CUL5: variants seen among roughly 807,000 people sequenced by gnomAD.
CUL5 encodes the protein cullin-5.
A neutral mutation model predicts 108.8 loss-of-function variants in CUL5; 26 were observed. The observed-to-expected ratio is 0.24, with a 90% CI of 0.18 to 0.33. The LOEUF (loss-of-function observed/expected upper bound fraction) is 0.33. Ranked by LOEUF, CUL5 falls within the 10% of genes least tolerant of loss-of-function variation. CUL5 has a pLI of 1.00. For synonymous variants in CUL5, 334 were observed against 298.0 expected (o/e 1.12, Z -1.25); for missense variants, 524 against 909.2 (o/e 0.58, Z 5.45).
chr11:108,097,001 C>G (rs1333003988), intron 16 of CUL5, among the ~76,000 whole-genome samples: 1 of 152,084 alleles, frequency 6.6e-6, no homozygotes, highest in African/African-American at 2.4e-5. Context: ...TATTACTACT[C>G]CATAGACCTC....
At chr11:108,097,478 C>A (rs1864530640) in intron 16 of CUL5, among the ~76,000 whole-genome samples, 158 bp from the exon 17 acceptor site, 1 of 152,154 alleles carries the variant, frequency 6.6e-6, no homozygotes. Context: ...TCTTCTCTTT[C>A]CTCATTATGC....
chr11:108,064,755 T>C (rs1458835502), intron 7 of CUL5, among the ~76,000 whole-genome samples: 1 of 152,090 alleles, frequency 6.6e-6, no homozygotes, highest in African/African-American at 2.4e-5. Flanking sequence ...TGCTAGTATT[T>C]TGTTGAGGAT....
Position 108,105,319 on chromosome 11 carries a change from G to A in CUL5, c.*935G>A, listed in dbSNP as rs542645494. The A allele has an allele frequency of 2.0e-5, 3 of 152,196 alleles. No homozygotes were observed. The highest frequency in any genetic ancestry group is 4.4e-5 in the Non-Finnish European group (3 of 67,948). 9.4% of individuals were successfully genotyped at this position (152,196 alleles called of 1,614,324 possible). A position where few individuals can be genotyped will look rare whatever the true frequency, so the allele number is the denominator to read the frequency against. On this transcript the variant is annotated 3_prime_UTR_variant, in exon 19 of 19. Coordinates refer to ENST00000393094, the MANE Select transcript of CUL5 (RefSeq NM_003478.6). ...ATTAAAAACAACACAGAAATCTCCTGCTCTGATATAGTTATGTAACTGATC... is the reference window on the plus strand; with the variant it reads ...ATTAAAAACAACACAGAAATCTCCTACTCTGATATAGTTATGTAACTGATC...
intron 1 of CUL5, among the ~76,000 whole-genome samples, chr11:108,031,738 T>C (rs191478969): frequency 1.6e-4 from 25 of 152,336 alleles, no homozygotes; most frequent in African/African-American, 5.5e-4. Flanking sequence ...ATCACAGCAC[T>C]GTTCACTCTA....
chr11:108,085,650 A>C (rs759026347), intron 11 of CUL5, among the ~76,000 whole-genome samples: 13 of 152,202 alleles, frequency 8.5e-5, no homozygotes, highest in Non-Finnish European at 1.3e-4. Context: ...TGACACATGG[A>C]TGAATCTTGA....
intron 1 of CUL5, among the ~76,000 whole-genome samples, chr11:108,012,755 C>T (rs1026352985): frequency 6.6e-6 from 1 of 152,006 alleles, no homozygotes; most frequent in Non-Finnish European, 1.5e-5. Context: ...CGCCACCACA[C>T]CCAGCTTATT....
At position 108,098,622 on chromosome 11, in the gene CUL5, C is replaced by T. The variant is rs1034479315; in HGVS notation, c.2148+93C>T. 2.9e-5 allele frequency: 31 copies of T among 1,075,092 alleles called. No individual in the cohort carries two copies. In the Admixed American group the frequency reaches 1.1e-3, roughly 37 times the overall value. 66.6% of individuals were successfully genotyped at this position (1,075,092 alleles called of 1,614,324 possible). A position where few individuals can be genotyped will look rare whatever the true frequency, so the allele number is the denominator to read the frequency against. The stretch of plus-strand genomic sequence containing the variant: ...TTGAAATCTTTTTTGAATTTAAAAG[C>T]ATGTAGGGGCTAAGTGCAGTGGCCC... On this transcript the variant is annotated intron_variant, in intron 18 of 18. Coordinates refer to ENST00000393094, the MANE Select transcript of CUL5 (RefSeq NM_003478.6).
At chr11:108,032,353 C>A (rs894727208) in intron 1 of CUL5, among the ~76,000 whole-genome samples, 7 of 151,950 alleles carry the variant, frequency 4.6e-5, no homozygotes, top group Admixed American at 4.6e-4. Context: ...CAAAAAAATA[C>A]AACAATTAGC....
chr11:108,028,772 C>G (rs985723582), intron 1 of CUL5, among the ~76,000 whole-genome samples: 1 of 151,868 alleles, frequency 6.6e-6, no homozygotes, highest in African/African-American at 2.4e-5. Flanking sequence ...TGCAGTGAGC[C>G]GAGATCGCCC....
intron 4 of CUL5, among the ~76,000 whole-genome samples, chr11:108,051,832 T>A: frequency 6.6e-6 from 1 of 152,242 alleles, no homozygotes; most frequent in Non-Finnish European, 1.5e-5. Context: ...ACATTTTCCA[T>A]GTATTATCAT....
chr11:108,052,623 T>C (rs1314616940), intron 4 of CUL5, 37 bp from the exon 5 acceptor site: 1 of 1,549,856 alleles, frequency 6.5e-7, no homozygotes, highest in East Asian at 2.3e-5. Flanking sequence ...ATATTAATAA[T>C]TGAAAATTAT....
intron 3 of CUL5, among the ~76,000 whole-genome samples, chr11:108,048,191 A>T (rs185498210): frequency 6.6e-6 from 1 of 152,048 alleles, no homozygotes; most frequent in South Asian, 2.1e-4. Context: ...GGAAGGACCA[A>T]ATCTCCCAGA....
In CUL5 at chr11:108,020,689, T is replaced by C. The variant is rs1014095836; in HGVS notation, c.24+11317T>C. The stretch of plus-strand genomic sequence containing the variant: ...GAGCCACTGTGCCTGGCCTTGTGTT[T>C]GTGTTTCACGATAAGTGTTATTTAC... On this transcript the variant is annotated intron_variant, in intron 1 of 18. Coordinates refer to ENST00000393094, the MANE Select transcript of CUL5 (RefSeq NM_003478.6). Among the ~76,000 whole-genome samples the C allele has an allele frequency of 9.8e-5, 15 of 152,318 alleles. No individual in the cohort carries two copies. The South Asian group carries it at 1.5e-3, about 15-fold the overall frequency.
At chr11:108,100,818 C>G (rs1487770441) in intron 18 of CUL5, among the ~76,000 whole-genome samples, 1 of 152,160 alleles carries the variant, frequency 6.6e-6, no homozygotes, top group Non-Finnish European at 1.5e-5. Flanking sequence ...ATCACAAGGC[C>G]AGGAGATCGA....
At chr11:108,020,729 T>C (rs1427361724) in intron 1 of CUL5, among the ~76,000 whole-genome samples, 2 of 152,120 alleles carry the variant, frequency 1.3e-5, no homozygotes, top group African/African-American at 4.8e-5. Flanking sequence ...AAGTCAAAGT[T>C]TCCCAAAAAG....
intron 4 of CUL5, among the ~76,000 whole-genome samples, 168 bp from the exon 5 acceptor site, chr11:108,052,492 A>T (rs891430535): frequency 6.6e-6 from 1 of 150,992 alleles, no homozygotes; most frequent in Non-Finnish European, 1.5e-5. Flanking sequence ...GAACTCATAG[A>T]CTCCAGCGAT....
chr11:108,095,770 G>A, intron 16 of CUL5, 79 bp downstream of exon 16: 2 of 1,238,080 alleles, frequency 1.6e-6, no homozygotes, highest in Non-Finnish European at 2.3e-6. Flanking sequence ...TAATATATTA[G>A]TAAATTCATA....
intron 1 of CUL5, among the ~76,000 whole-genome samples, chr11:108,027,573 A>T (rs1026843640): frequency 6.6e-6 from 1 of 151,578 alleles, no homozygotes; most frequent in African/African-American, 2.4e-5. Flanking sequence ...TGCCCAGCCA[A>T]ATTTTTTGTA....
At chr11:108,081,066 C>G (rs1432016691) in intron 11 of CUL5, among the ~76,000 whole-genome samples, 1 of 151,992 alleles carries the variant, frequency 6.6e-6, no homozygotes, top group Non-Finnish European at 1.5e-5. Flanking sequence ...GCGGGTGGAT[C>G]ACTTGAGGTC....
Sources: allele counts gnomAD v4.1 joint callset (sites outside exome capture counted in the v4.1 genomes callset), GRCh38; gene constraint gnomAD v4.1.1; transcripts MANE v1.5; gene names NCBI Gene and HGNC (gene_info 2026-07-23, HGNC 2026-07-21).